NIPBL: variants seen among roughly 807,000 people sequenced by gnomAD.
NIPBL encodes NIPBL cohesin loading factor.
In NIPBL, 19 loss-of-function variants were observed where a neutral mutation model predicts 321.8. The observed-to-expected ratio is 0.06, with a 90% CI of 0.04 to 0.09. The LOEUF (loss-of-function observed/expected upper bound fraction) is 0.09. Ranked by LOEUF, NIPBL falls within the 10% of genes least tolerant of loss-of-function variation. The pLI, the probability that NIPBL is intolerant of heterozygous loss-of-function variation, is 1.00. For synonymous variants in NIPBL, 1,106 were observed against 1,114.1 expected, an observed-to-expected ratio of 0.99 and a Z score of 0.14; for missense variants, 2,210 against 3,327.0, an observed-to-expected ratio of 0.66 and a Z score of 8.26.
Position 37,001,644 on chromosome 5 carries a change from G to C in NIPBL, c.3664+566G>C, listed in dbSNP as rs190382910. ...TATGCCAGTAGTATGTTAAGTGCTG[G>C]AGATGTAAAAATAACTAAAACCCAA... On this transcript the variant is annotated intron_variant, in intron 14 of 46. Coordinates refer to ENST00000282516, the MANE Select transcript of NIPBL (RefSeq NM_133433.4). 3.3e-3 allele frequency among the ~76,000 whole-genome samples: 509 copies of C among 152,158 alleles called. 2 individuals carry two copies. The highest frequency in any genetic ancestry group is 0.012 in the African/African-American group (489 of 41,524).
intron 9 of NIPBL, among the ~76,000 whole-genome samples, chr5:36,980,818 A>C (rs968817294): frequency 6.6e-6 from 1 of 151,648 alleles, no homozygotes; most frequent in Non-Finnish European, 1.5e-5. Context: ...GATGCCACCT[A>C]ACCCTTTTGA....
chr5:37,061,235 A>T (rs1754631957), intron 45 of NIPBL, among the ~76,000 whole-genome samples: 1 of 152,218 alleles, frequency 6.6e-6, no homozygotes, highest in South Asian at 2.1e-4. Flanking sequence ...AGGAAACAGC[A>T]GCCCACGAAT....
chr5:36,975,355 A>T (rs779302968), intron 8 of NIPBL, among the ~76,000 whole-genome samples: 27 of 152,152 alleles, frequency 1.8e-4, no homozygotes, highest in Non-Finnish European at 3.5e-4. Context: ...ACAAAAGCGT[A>T]CTTATTCTTA....
chr5:36,972,700 C>T (rs1277709181), intron 8 of NIPBL, among the ~76,000 whole-genome samples: 1 of 152,140 alleles, frequency 6.6e-6, no homozygotes, highest in East Asian at 1.9e-4. Context: ...GTTCTTTCTA[C>T]CATCCCATCT....
chr5:36,959,096 A>C (rs967531212), intron 4 of NIPBL, among the ~76,000 whole-genome samples: 2 of 152,104 alleles, frequency 1.3e-5, no homozygotes, highest in Non-Finnish European at 2.9e-5. Flanking sequence ...AGTCCCAGCT[A>C]CTTGGGAGGT....
At chr5:36,930,366 T>C (rs1250850590) in intron 1 of NIPBL, among the ~76,000 whole-genome samples, 1 of 152,100 alleles carries the variant, frequency 6.6e-6, no homozygotes, top group Admixed American at 6.5e-5. Flanking sequence ...TTTGCTAGAA[T>C]ATAGAAATAC....
chr5:37,007,557 C>T, intron 18 of NIPBL, 83 bp downstream of exon 18: 1 of 930,662 alleles, frequency 1.1e-6, no homozygotes, highest in Non-Finnish European at 1.7e-6. Flanking sequence ...AATAATAAGA[C>T]CAGCACTATA....
intron 1 of NIPBL, among the ~76,000 whole-genome samples, chr5:36,943,443 G>A (rs888263734): frequency 9.9e-5 from 15 of 151,970 alleles, no homozygotes; most frequent in Non-Finnish European, 2.1e-4. Flanking sequence ...GCTCAATATG[G>A]TTATCAGTTC....
chr5:36,993,762 A>C (rs1250365065), intron 10 of NIPBL, among the ~76,000 whole-genome samples: 1 of 145,876 alleles, frequency 6.9e-6, no homozygotes, highest in East Asian at 2.0e-4. Flanking sequence ...AATATACTGC[A>C]AAAAAAAAAA....
chr5:37,045,300 G>T lies in NIPBL; in HGVS notation c.6344-143G>T, dbSNP rs1752857900. 2.3e-5 allele frequency: 14 copies of T among 609,658 alleles called. No homozygotes were observed. In the South Asian group the frequency reaches 2.9e-4, roughly 13 times the overall value. The allele number at this position is 609,658 out of a possible 1,614,324, so 37.8% of individuals were successfully genotyped here. A position where few individuals can be genotyped will look rare whatever the true frequency, so the allele number is the denominator to read the frequency against. ...ACACGGGAGGCGGAGGTTGCAGTGA[G>T]CCAAGATCATGTCACTGCACTCCAG... On this transcript the variant is annotated intron_variant, in intron 36 of 46. Coordinates refer to ENST00000282516, the MANE Select transcript of NIPBL (RefSeq NM_133433.4).
At chr5:36,961,704 A>G in intron 5 of NIPBL, 121 bp downstream of exon 5, 1 of 763,916 alleles carries the variant, frequency 1.3e-6, no homozygotes, top group South Asian at 1.5e-5. Flanking sequence ...TGAAATACTT[A>G]AATAGTAATC....
chr5:36,880,949 C>A (rs1427552497), intron 1 of NIPBL, among the ~76,000 whole-genome samples: 1 of 151,986 alleles, frequency 6.6e-6, no homozygotes, highest in African/African-American at 2.4e-5. Flanking sequence ...TTCCCTGACA[C>A]TAGTATTTTC....
intron 1 of NIPBL, among the ~76,000 whole-genome samples, chr5:36,898,597 C>T (rs1362603899): frequency 7.3e-5 from 11 of 151,724 alleles, no homozygotes; most frequent in South Asian, 4.2e-4. Context: ...CCACAACCTC[C>T]GCCTCCCAGG....
In NIPBL at chr5:37,044,651, G is replaced by A; in HGVS notation, c.6265G>A (p.Val2089Met). The change falls in exon 36 of 47, where the codon GTG becomes ATG. Residue 2089 changes from valine to methionine, a missense_variant. By Grantham distance (21) the Val-to-Met change is conservative. Around this residue, in one of 14 missense-constraint regions of NIPBL, gnomAD observed 73 missense variants for 222.3 expected, o/e 0.33. Coordinates refer to ENST00000282516, the MANE Select transcript of NIPBL (RefSeq NM_133433.4). ...TATCTTTTAGGTAGTGCAACATTGT[G>A]TGAGCTGTCTTGGAGCTGTTGTAAA... Reference protein sequence around the residue: ...KYGMTVVQHCVSCLGAVVNKV... With the variant: ...KYGMTVVQHCMSCLGAVVNKV... 1 of 1,613,744 alleles carries A rather than the reference G, an allele frequency of 6.2e-7. No individual in the cohort carries two copies. Among genetic ancestry groups the A allele is most frequent in the Non-Finnish European group, 8.5e-7 (1 of 1,179,788 alleles).
In NIPBL at chr5:37,065,052, G is replaced by C; in HGVS notation, c.*160G>C. On this transcript the variant is annotated 3_prime_UTR_variant, in exon 47 of 47. Coordinates refer to ENST00000282516, the MANE Select transcript of NIPBL (RefSeq NM_133433.4). ...AAATGTTGGGCAAACATTTTTGTGG[G>C]AGCTCCCTTCGCTGTTGTGCAGCAG... The C allele has an allele frequency of 1.3e-6, 1 of 796,128 alleles. No homozygotes were observed. The highest frequency in any genetic ancestry group is 2.0e-6 in the Non-Finnish European group (1 of 494,644). The allele number at this position is 796,128 out of a possible 1,614,324, so 49.3% of individuals were successfully genotyped here. A position where few individuals can be genotyped will look rare whatever the true frequency, so the allele number is the denominator to read the frequency against.
chr5:36,991,005 A>T (rs1431658196), intron 10 of NIPBL, among the ~76,000 whole-genome samples: 1 of 151,992 alleles, frequency 6.6e-6, no homozygotes, highest in African/African-American at 2.4e-5. Context: ...AAAAAAAAAA[A>T]TTTAATGAAA....
intron 3 of NIPBL, among the ~76,000 whole-genome samples, chr5:36,956,924 C>G (rs1300883192): frequency 6.6e-6 from 1 of 152,124 alleles, no homozygotes; most frequent in East Asian, 1.9e-4. Context: ...TGTGCCCAGC[C>G]TCTAAATCAC....
chr5:37,055,178 C>G (rs1357888765), intron 42 of NIPBL, among the ~76,000 whole-genome samples: 2 of 151,966 alleles, frequency 1.3e-5, no homozygotes, highest in East Asian at 1.9e-4. Context: ...GCAAAATCCT[C>G]TCTCTCCTGA....
At chr5:37,039,926 G>C (rs2149723129) in intron 34 of NIPBL, among the ~76,000 whole-genome samples, 1 of 152,156 alleles carries the variant, frequency 6.6e-6, no homozygotes, top group East Asian at 1.9e-4. Context: ...GCTAATAATA[G>C]CTAATAATTT....
Sources: allele counts gnomAD v4.1 joint callset (sites outside exome capture counted in the v4.1 genomes callset), GRCh38; gene constraint gnomAD v4.1.1; regional missense constraint gnomAD v4.1.1; transcripts MANE v1.5; gene names NCBI Gene and HGNC (gene_info 2026-07-23, HGNC 2026-07-21).